Variants in GHRH observed in about 807,000 individuals in gnomAD.
The protein encoded by GHRH is somatoliberin.
In GHRH, 7 loss-of-function variants were observed where a neutral mutation model predicts 15.6. That is an observed-to-expected ratio of 0.45 (90% confidence interval 0.26 to 0.84). The LOEUF (loss-of-function observed/expected upper bound fraction) is 0.84. GHRH is among the 40% of genes least tolerant of loss of function. The probability of loss-of-function intolerance (pLI) is 0.18; values close to 1 mark genes in which losing one functional copy is unlikely to be tolerated. For synonymous variants in GHRH, 54 were observed against 50.4 expected, an observed-to-expected ratio of 1.07 and a Z score of -0.30; for missense variants, 117 against 138.0, an observed-to-expected ratio of 0.85 and a Z score of 0.76.
intron 3 of GHRH, among the ~76,000 whole-genome samples, 196 bp from the exon 4 acceptor site, chr20:37,254,525 C>T (rs2068644404): frequency 1.3e-5 from 2 of 152,120 alleles, no homozygotes; most frequent in Admixed American, 1.3e-4. Context: ...CAAAACGTCT[C>T]CCCACAGATT....
rs183833696 is a variant in GHRH, at chr20:37,251,284, G to A, written c.309-53C>T. The A allele has an allele frequency of 2.2e-5, 33 of 1,514,356 alleles. 1 individual carries two copies. The Admixed American group carries it at 6.0e-4, about 27-fold the overall frequency. The allele number at this position is 1,514,356 out of a possible 1,614,324, so 93.8% of individuals were successfully genotyped here. On this transcript the variant is annotated intron_variant, in intron 4 of 4. Transcript: ENST00000373614. Reference sequence around the variant, plus strand: ...CGGGGAATTGAAGTAAGGGTGGCTAGAGTGGGATGCATGGAACCAGGGTGA... The same window carrying A: ...CGGGGAATTGAAGTAAGGGTGGCTAAAGTGGGATGCATGGAACCAGGGTGA...
At chr20:37,259,140 G>A (rs2068674575) in intron 1 of GHRH, among the ~76,000 whole-genome samples, 1 of 152,214 alleles carries the variant, frequency 6.6e-6, no homozygotes, top group Non-Finnish European at 1.5e-5. Flanking sequence ...GGTAAGGACT[G>A]GGGCTAGAGA....
intron 3 of GHRH, among the ~76,000 whole-genome samples, chr20:37,255,763 C>T (rs570343527): frequency 3.0e-4 from 45 of 151,130 alleles, no homozygotes; most frequent in South Asian, 6.3e-4. Flanking sequence ...GGCAAGGTGG[C>T]TCACAACTAT....
intron 2 of GHRH, 21 bp from the exon 3 acceptor site, chr20:37,256,519 G>A (rs775688947): frequency 2.1e-5 from 32 of 1,521,794 alleles, no homozygotes; most frequent in Admixed American, 1.9e-4. Flanking sequence ...GGAGTCAGGG[G>A]TCAGAGGGCG....
intron 1 of GHRH, among the ~76,000 whole-genome samples, chr20:37,261,441 C>G (rs994494555): frequency 6.6e-6 from 1 of 152,186 alleles, no homozygotes; most frequent in Non-Finnish European, 1.5e-5. Flanking sequence ...CTCACGTTTG[C>G]CCCCGAAGCC....
intron 1 of GHRH, 52 bp from the exon 2 acceptor site, chr20:37,256,960 G>A: frequency 9.2e-7 from 1 of 1,085,362 alleles, no homozygotes; most frequent in Non-Finnish European, 1.4e-6. Flanking sequence ...CATTGGGATG[G>A]CCTTCACTGG....
At chr20:37,254,478 G>A in intron 3 of GHRH, 149 bp from the exon 4 acceptor site, 1 of 770,878 alleles carries the variant, frequency 1.3e-6, no homozygotes, top group South Asian at 1.6e-5. Flanking sequence ...AGTATATATA[G>A]TAATGAAGAG....
chr20:37,259,240 G>A (rs2068675347), intron 1 of GHRH, among the ~76,000 whole-genome samples: 1 of 152,196 alleles, frequency 6.6e-6, no homozygotes, highest in Admixed American at 6.5e-5. Flanking sequence ...CCACACGACT[G>A]GTCCTTTAGA....
intron 4 of GHRH, among the ~76,000 whole-genome samples, chr20:37,253,091 A>G (rs1394744551): frequency 6.6e-6 from 1 of 152,186 alleles, no homozygotes; most frequent in Admixed American, 6.5e-5. Context: ...CAACCACGAC[A>G]TTTTTGGGAA....
At position 37,256,483 on chromosome 20, in the gene GHRH, T is replaced by C; in HGVS notation, c.99A>G (p.Ala33=). Residue 33 remains alanine (A), a synonymous_variant, in exon 3 of 5, where the codon GCA becomes GCG. Transcript: ENST00000373614. The part of the protein sequence containing the change: ...PPLTLRMRRY[A]DAIFTNSYRK... Reference sequence around the variant, plus strand: ...GGTAGCTGTTGGTGAAGATGGCATCTGCATACCGCCGCATCCTGTGCGGAA... The same window carrying C: ...GGTAGCTGTTGGTGAAGATGGCATCCGCATACCGCCGCATCCTGTGCGGAA... 1 of 1,612,530 alleles carries C rather than the reference T, an allele frequency of 6.2e-7. No individual in the cohort carries two copies. Among genetic ancestry groups the C allele is most frequent in the African/African-American group, 1.3e-5 (1 of 75,038 alleles).
chr20:37,255,276 T>A (rs1169539542), intron 3 of GHRH, among the ~76,000 whole-genome samples: 1 of 152,174 alleles, frequency 6.6e-6, no homozygotes, highest in Non-Finnish European at 1.5e-5. Context: ...GTTTGAGATT[T>A]TTTTCAAAGT....
intron 3 of GHRH, among the ~76,000 whole-genome samples, chr20:37,254,940 T>C (rs1039923785): frequency 2.0e-5 from 3 of 152,122 alleles, no homozygotes; most frequent in African/African-American, 7.2e-5. Flanking sequence ...AAAGAAATAA[T>C]TGTTATAAAG....
At position 37,251,244 on chromosome 20, in the gene GHRH, A is replaced by C; in HGVS notation, c.309-13T>G. On this transcript the variant is annotated splice_polypyrimidine_tract_variant and intron_variant, in intron 4 of 4. Coordinates refer to ENST00000373614, the MANE Select transcript of GHRH (RefSeq NM_021081.6). ...CTGGGAGTTCCTGCTGCAGAAAGAA[A>C]GATCAAGCTCAATCCGGGGAATTGA... The C allele has an allele frequency of 6.2e-7, 1 of 1,600,786 alleles. No homozygotes were observed. Among genetic ancestry groups the C allele is most frequent in the Non-Finnish European group, 8.5e-7 (1 of 1,174,124 alleles).
chr20:37,257,938 G>C (rs59075228), intron 1 of GHRH, among the ~76,000 whole-genome samples: 10,269 of 152,244 alleles, frequency 0.067, 760 homozygotes, highest in African/African-American at 0.19. Flanking sequence ...TGGAGAGAGG[G>C]GAGAAGGGCT....
Position 37,256,460 on chromosome 20 carries a change from T to G in GHRH, c.122A>C (p.Tyr41Ser), listed in dbSNP as rs750872486. The change falls in exon 3 of 5, where the codon TAC becomes TCC. Residue 41 changes from tyrosine (Y) to serine (S), a missense_variant. By Grantham distance (144) the Tyr-to-Ser change is moderately radical. Coordinates refer to ENST00000373614, the MANE Select transcript of GHRH (RefSeq NM_021081.6). ...GGACAGCTGGCCCAGCACCTTCCGG[T>G]AGCTGTTGGTGAAGATGGCATCTGC... Reference protein sequence around the residue: ...RYADAIFTNSYRKVLGQLSAR... With the variant: ...RYADAIFTNSSRKVLGQLSAR... 6.2e-7 allele frequency: 1 copy of G among 1,613,478 alleles called. No individual in the cohort carries two copies. Among genetic ancestry groups the G allele is most frequent in the Admixed American group, 1.7e-5 (1 of 59,980 alleles).
At chr20:37,253,407 C>T (rs2068634335) in intron 4 of GHRH, among the ~76,000 whole-genome samples, 1 of 152,202 alleles carries the variant, frequency 6.6e-6, no homozygotes, top group African/African-American at 2.4e-5. Context: ...GTCAGTTCAC[C>T]TGCAGCCGAA....
intron 1 of GHRH, among the ~76,000 whole-genome samples, chr20:37,259,199 G>A (rs141534999): frequency 1.3e-5 from 2 of 152,284 alleles, no homozygotes; most frequent in African/African-American, 2.4e-5. Flanking sequence ...TGTAACATCC[G>A]CCTGCTGGGC....
intron 1 of GHRH, among the ~76,000 whole-genome samples, chr20:37,259,844 ACTTC>A (rs997713499): frequency 1.3e-5 from 2 of 152,180 alleles, no homozygotes; most frequent in African/African-American, 4.8e-5. Flanking sequence ...AGGCCGGCAG[ACTTC>A]CTTCCGCTCC....
intron 2 of GHRH, 63 bp from the exon 3 acceptor site, chr20:37,256,561 C>A: frequency 9.9e-7 from 1 of 1,011,412 alleles, no homozygotes; most frequent in Non-Finnish European, 1.5e-6. Flanking sequence ...ACAGTCGTGG[C>A]TGCACTCGCC....
Sources: allele counts gnomAD v4.1 joint callset (sites outside exome capture counted in the v4.1 genomes callset), GRCh38; gene constraint gnomAD v4.1.1; transcripts MANE v1.5; gene names NCBI Gene and HGNC (gene_info 2026-07-23, HGNC 2026-07-21).